Variants in LAMP3 observed in about 807,000 individuals in gnomAD.
LAMP3 encodes lysosome-associated membrane glycoprotein 3.
LAMP3 carries 26 observed loss-of-function variants against 34.8 expected under a neutral mutation model. That is an observed-to-expected ratio of 0.75 (90% confidence interval 0.55 to 1.04). The LOEUF is 1.04. LAMP3 is among the 50% of genes least tolerant of loss of function. The pLI is 0.00. For missense variants in LAMP3, 495 were observed against 524.0 expected (o/e 0.94, Z 0.54); for synonymous variants, 180 against 201.9 (o/e 0.89, Z 0.92).
upstream of LAMP3, chr3:183,163,511 A>C (rs891577652): frequency 3.3e-5 from 5 of 151,420 alleles, no homozygotes; most frequent in African/African-American, 4.9e-5. Context: ...GCTGGTCTCG[A>C]TCTCCTGACC....
intron 5 of LAMP3, chr3:183,132,743 C>A: frequency 1.0e-6 from 1 of 985,440 alleles, no homozygotes; most frequent in Non-Finnish European, 1.2e-6. Flanking sequence ...CAGGTCAATC[C>A]TTTCACTTCA....
At chr3:183,157,954 G>A (rs1249651076) in intron 1 of LAMP3, among the ~76,000 whole-genome samples, 1 of 152,148 alleles carries the variant, frequency 6.6e-6, no homozygotes, top group Admixed American at 6.5e-5. Flanking sequence ...CAGTTGAGAT[G>A]TCTTGATACG....
At chr3:183,148,172 A>G (rs1230987446) in intron 3 of LAMP3, among the ~76,000 whole-genome samples, 5 of 152,244 alleles carry the variant, frequency 3.3e-5, no homozygotes, top group Non-Finnish European at 7.3e-5. Context: ...AATCACATCA[A>G]AATGGATTAA....
At chr3:183,159,386 A>C (rs1218722411) in intron 1 of LAMP3, among the ~76,000 whole-genome samples, 1 of 152,210 alleles carries the variant, frequency 6.6e-6, no homozygotes, top group Non-Finnish European at 1.5e-5. Flanking sequence ...TGACGGGAAC[A>C]CAGGGACGGT....
At chr3:183,139,770 G>A (rs1279970014) in intron 4 of LAMP3, among the ~76,000 whole-genome samples, 1 of 152,172 alleles carries the variant, frequency 6.6e-6, no homozygotes, top group Non-Finnish European at 1.5e-5. Flanking sequence ...ATCATTTAAT[G>A]TGTTGTTGTC....
rs2108617892 is a variant in LAMP3 at position 183,162,664 on chromosome 3, C to T, written c.-9G>A. ...CTGAGCTGCCGGGGCATGGTGGGCG[C>T]TGGGCGAGGTTCTGCAGCGTGCGGC... On this transcript the variant is annotated 5_prime_UTR_variant, in exon 1 of 6. Transcript: ENST00000265598. 3 of 1,536,060 alleles carry T rather than the reference C, an allele frequency of 2.0e-6. No individual in the cohort carries two copies. The highest frequency in any genetic ancestry group is 2.5e-5 in the East Asian group (1 of 40,608).
chr3:183,125,814 A>C (rs1447103928), intron 5 of LAMP3, among the ~76,000 whole-genome samples: 2 of 151,982 alleles, frequency 1.3e-5, no homozygotes, highest in African/African-American at 4.8e-5. Context: ...TCCTCTTGGG[A>C]CTAGGGGTGT....
chr3:183,163,252 G>T (rs953903224), upstream of LAMP3, among the ~76,000 whole-genome samples: 4 of 148,970 alleles, frequency 2.7e-5, no homozygotes, highest in African/African-American at 7.5e-5. Context: ...CACCGAGCCC[G>T]GCCAGGGTCT....
At chr3:183,128,942 T>C (rs1719846910) in intron 5 of LAMP3, among the ~76,000 whole-genome samples, 1 of 152,250 alleles carries the variant, frequency 6.6e-6, no homozygotes, top group Non-Finnish European at 1.5e-5. Flanking sequence ...TATTTTTTTA[T>C]AAGGGCTTAT....
chr3:183,156,143 T>C (rs1318442960), intron 1 of LAMP3, among the ~76,000 whole-genome samples: 1 of 152,200 alleles, frequency 6.6e-6, no homozygotes, highest in Non-Finnish European at 1.5e-5. Flanking sequence ...GCAGATCACC[T>C]GAGGTCAGGA....
chr3:183,134,591 A>T (rs1485276429), intron 5 of LAMP3, among the ~76,000 whole-genome samples: 1 of 152,182 alleles, frequency 6.6e-6, no homozygotes, highest in African/African-American at 2.4e-5. Flanking sequence ...GTGGATGACA[A>T]ATGGGGCCAA....
upstream of LAMP3, chr3:183,162,887 G>A (rs940033589): frequency 7.8e-6 from 4 of 510,588 alleles, no homozygotes; most frequent in South Asian, 8.6e-5. Context: ...CGGGCCTCTG[G>A]GACCGTTTAC....
chr3:183,153,980 T>C lies in LAMP3; in HGVS notation c.461A>G (p.His154Arg), dbSNP rs897365215. ...GGGTTGAGTGGTGTTCCCAGTTGTG[T>C]GGCTGACGGTTGATGAACTGGTTCC... ...TTGTSSSTVSHTTGNTTQPSN... is the reference protein window; with the variant it reads ...TTGTSSSTVSRTTGNTTQPSN... The change falls in exon 2 of 6, where the codon CAC becomes CGC. Residue 154 changes from histidine (H) to arginine (R), a missense_variant. Transcript: ENST00000265598. 1.9e-6 allele frequency: 3 copies of C among 1,614,040 alleles called. No individual in the cohort carries two copies. Among genetic ancestry groups the C allele is most frequent in the Non-Finnish European group, 2.5e-6 (3 of 1,180,028 alleles).
intron 3 of LAMP3, among the ~76,000 whole-genome samples, chr3:183,148,698 A>G (rs1023467209): frequency 1.3e-5 from 2 of 152,208 alleles, no homozygotes; most frequent in African/African-American, 4.8e-5. Context: ...GCAATAACAA[A>G]TGCTGGTGAG....
intron 3 of LAMP3, among the ~76,000 whole-genome samples, chr3:183,143,575 A>T (rs1720351248): frequency 6.6e-6 from 1 of 152,118 alleles, no homozygotes; most frequent in African/African-American, 2.4e-5. Flanking sequence ...CTTCTGACTC[A>T]CCCTTTCCAT....
chr3:183,163,282 T>G (rs1721037758), upstream of LAMP3, among the ~76,000 whole-genome samples: 1 of 119,622 alleles, frequency 8.4e-6, no homozygotes, highest in African/African-American at 4.0e-5. Flanking sequence ...TTTCTTTTCT[T>G]TTTATTTCTT....
intron 3 of LAMP3, among the ~76,000 whole-genome samples, chr3:183,143,793 T>C (rs1720359023): frequency 2.0e-5 from 3 of 152,242 alleles, no homozygotes; most frequent in Non-Finnish European, 4.4e-5. Context: ...AATTGTAGTG[T>C]TACTGAATAT....
chr3:183,141,306 C>T (rs867954075), intron 3 of LAMP3, among the ~76,000 whole-genome samples: 35 of 152,112 alleles, frequency 2.3e-4, no homozygotes, highest in Non-Finnish European at 5.0e-4. Context: ...AGCAGCACCC[C>T]CACATTTCAT....
At chr3:183,147,551 A>T (rs1259281664) in intron 3 of LAMP3, among the ~76,000 whole-genome samples, 1 of 152,188 alleles carries the variant, frequency 6.6e-6, no homozygotes, top group African/African-American at 2.4e-5. Flanking sequence ...TGATGAAGAC[A>T]TATTTTGATC....
Sources: allele counts gnomAD v4.1 joint callset (sites outside exome capture counted in the v4.1 genomes callset), GRCh38; gene constraint gnomAD v4.1.1; transcripts MANE v1.5; gene names NCBI Gene and HGNC (gene_info 2026-07-23, HGNC 2026-07-21).